UGT1A5: variants seen among roughly 807,000 people sequenced by gnomAD.
UGT1A5 encodes UDP-glucuronosyltransferase 1A5.
In UGT1A5, 29 loss-of-function variants were observed where a neutral mutation model predicts 40.3. That is an observed-to-expected ratio of 0.72 (90% CI 0.54 to 0.98). UGT1A5 has a LOEUF of 0.98. UGT1A5 is among the 50% of genes least tolerant of loss of function. The pLI, the probability that UGT1A5 is intolerant of heterozygous loss-of-function variation, is 0.00. For synonymous variants in UGT1A5, 257 were observed against 262.5 expected, an observed-to-expected ratio of 0.98 and a Z score of 0.20; for missense variants, 678 against 677.9, an observed-to-expected ratio of 1.00 and a Z score of 0.00.
rs780343524 is a variant in UGT1A5, at chr2:233,713,771, C to T, written c.780C>T (p.Asp260=). ...SHASVWLFRG[D]FVMDYPRPIM... is the part of the protein sequence containing the mutation. ...CATCTGTGTGGCTGTTCCGAGGGGACTTTGTGATGGATTACCCCAGGCCGA... is the reference window on the plus strand; with the variant it reads ...CATCTGTGTGGCTGTTCCGAGGGGATTTTGTGATGGATTACCCCAGGCCGA... The change falls in exon 1 of 5, where the codon GAC becomes GAT. Residue 260 remains aspartate, a synonymous_variant. Transcript: ENST00000373414. 3.7e-6 allele frequency: 6 copies of T among 1,614,000 alleles called. No individual in the cohort carries two copies. Among genetic ancestry groups the T allele is most frequent in the Non-Finnish European group, 5.1e-6 (6 of 1,179,938 alleles).
At chr2:233,747,669 C>T in intron 1 of UGT1A5, 1 of 1,603,504 alleles carries the variant, frequency 6.2e-7, no homozygotes, top group South Asian at 1.1e-5. Flanking sequence ...TTTAATAGAC[C>T]CAATTTACCT....
At chr2:233,718,781 G>T (rs767988524) in intron 1 of UGT1A5, 21 of 1,613,022 alleles carry the variant, frequency 1.3e-5, no homozygotes, top group Non-Finnish European at 1.7e-5. Context: ...AGCAGGCACA[G>T]CGTGGGGTGG....
In UGT1A5 at chr2:233,772,647, T is replaced by C. The variant is rs1430291963; in HGVS notation, c.*88T>C. 7 of 1,549,866 alleles carry C rather than the reference T, an allele frequency of 4.5e-6. No homozygotes were observed. In the African/African-American group the frequency reaches 5.5e-5, roughly 12 times the overall value. On this transcript the variant is annotated 3_prime_UTR_variant, in exon 5 of 5. Transcript: ENST00000373414. ...CAGAATCAGTGTTAAATTCATTTTATTCTTATTAAGGAAATACTTTGCATA... is the reference window on the plus strand; with the variant it reads ...CAGAATCAGTGTTAAATTCATTTTACTCTTATTAAGGAAATACTTTGCATA...
At chr2:233,720,720 T>C (rs79066052) in intron 1 of UGT1A5, among the ~76,000 whole-genome samples, 5 of 150,478 alleles carry the variant, frequency 3.3e-5, no homozygotes, top group Non-Finnish European at 7.4e-5. Flanking sequence ...TTTTTTTTTT[T>C]CTTGAGACTG....
chr2:233,742,472 C>T (rs1248700519), intron 1 of UGT1A5, among the ~76,000 whole-genome samples: 4 of 151,922 alleles, frequency 2.6e-5, no homozygotes. Flanking sequence ...TTCCAGTAAA[C>T]TCACAACCTT....
At chr2:233,725,070 G>A (rs1181179601) in intron 1 of UGT1A5, among the ~76,000 whole-genome samples, 7 of 145,216 alleles carry the variant, frequency 4.8e-5, no homozygotes, top group East Asian at 2.1e-4. Context: ...GCCTGCAATC[G>A]CAGGCACTCG....
At chr2:233,757,428 A>C (rs987166652) in intron 1 of UGT1A5, among the ~76,000 whole-genome samples, 1 of 151,108 alleles carries the variant, frequency 6.6e-6, no homozygotes, top group Non-Finnish European at 1.5e-5. Flanking sequence ...AAGAGAAGAA[A>C]AGTCACTTCT....
chr2:233,722,051 T>C (rs1475748803), intron 1 of UGT1A5: 2 of 234,456 alleles, frequency 8.5e-6, no homozygotes, highest in Non-Finnish European at 1.7e-5. Flanking sequence ...GTGGTGTTTC[T>C]GGGTCAAGTG....
intron 1 of UGT1A5, among the ~76,000 whole-genome samples, chr2:233,763,620 C>T (rs1442912826): frequency 6.6e-6 from 1 of 152,168 alleles, no homozygotes; most frequent in African/African-American, 2.4e-5. Flanking sequence ...ACTACCATTC[C>T]TCTTGTGTTG....
chr2:233,752,524 A>T (rs1231920163), intron 1 of UGT1A5: 1 of 152,204 alleles, frequency 6.6e-6, no homozygotes, highest in African/African-American at 2.4e-5. Context: ...TCAATTCTAA[A>T]AATTCTTTAA....
rs1311139649 is a variant in UGT1A5, at chr2:233,745,502, A to G, written c.868-21532A>G. 2.0e-5 allele frequency among the ~76,000 whole-genome samples: 3 copies of G among 151,662 alleles called. 1 individual carries two copies. The highest frequency in any genetic ancestry group is 7.3e-5 in the African/African-American group (3 of 40,986). On this transcript the variant is annotated intron_variant, in intron 1 of 4. Coordinates refer to ENST00000373414, the MANE Select transcript of UGT1A5 (RefSeq NM_019078.2). ...ACCAAAGAACATTCTAAGATTTCCT[A>G]TAGGGTATTAGGTCTAATGGGGATG...
intron 1 of UGT1A5, among the ~76,000 whole-genome samples, chr2:233,734,621 G>C (rs1231102351): frequency 6.6e-6 from 1 of 152,064 alleles, no homozygotes; most frequent in Non-Finnish European, 1.5e-5. Context: ...GTTGATTTTA[G>C]ATCTTTCCTG....
chr2:233,747,618 G>T (rs1433302665), intron 1 of UGT1A5: 1 of 1,574,996 alleles, frequency 6.3e-7, no homozygotes, highest in African/African-American at 1.4e-5. Context: ...GCATAATGAG[G>T]CCCTGATCAG....
At chr2:233,739,666 C>T (rs1691171708) in intron 1 of UGT1A5, among the ~76,000 whole-genome samples, 1 of 152,188 alleles carries the variant, frequency 6.6e-6, no homozygotes, top group East Asian at 1.9e-4. Context: ...CCCATTGTGT[C>T]TTGGAAGTTA....
chr2:233,725,566 C>T (rs559123427), intron 1 of UGT1A5, among the ~76,000 whole-genome samples: 223 of 152,120 alleles, frequency 1.5e-3, no homozygotes, highest in African/African-American at 5.2e-3. Context: ...AACATATATT[C>T]GATATAAGAT....
chr2:233,772,682 G>A lies in UGT1A5; in HGVS notation c.*123G>A, dbSNP rs1700541485. The A allele has an allele frequency of 6.7e-7, 1 of 1,494,640 alleles. No individual in the cohort carries two copies. The allele number at this position is 1,494,640 out of a possible 1,614,324, so 92.6% of individuals were successfully genotyped here. On this transcript the variant is annotated 3_prime_UTR_variant, in exon 5 of 5. Coordinates refer to ENST00000373414, the MANE Select transcript of UGT1A5 (RefSeq NM_019078.2). ...GGAAATACTTTGCATAAATTAATCA[G>A]CCCCAGAGTGCTTTAAAAAATTCTC...
intron 4 of UGT1A5, chr2:233,771,736 GTCTT>G (rs1408768214): frequency 2.0e-5 from 3 of 152,960 alleles, no homozygotes; most frequent in Non-Finnish European, 4.4e-5. Flanking sequence ...TATAATTTTG[GTCTT>G]TCTTTTTCTC....
chr2:233,721,828 C>A, intron 1 of UGT1A5: 1 of 516,354 alleles, frequency 1.9e-6, no homozygotes, highest in South Asian at 1.4e-5. Context: ...CTATTTGGGC[C>A]ACCGACCTTG....
chr2:233,746,979 C>T (rs908945089), intron 1 of UGT1A5, among the ~76,000 whole-genome samples: 13 of 151,732 alleles, frequency 8.6e-5, no homozygotes, highest in African/African-American at 1.9e-4. Flanking sequence ...CCAGAGCGAG[C>T]GCAGGGTCAG....
Sources: gnomAD v4.1 joint callset for allele counts (sites outside exome capture counted in the v4.1 genomes callset) on GRCh38, gnomAD v4.1.1 for gene constraint, MANE v1.5 for transcripts, NCBI Gene and HGNC (gene_info 2026-07-23, HGNC 2026-07-21) for gene names.